The following THBS3 variants were observed in gnomAD, a reference collection of about 807,000 sequenced individuals.
THBS3 encodes thrombospondin 3.
THBS3 carries 78 observed loss-of-function variants against 118.3 expected under a neutral mutation model. That is an observed-to-expected ratio of 0.66 (90% confidence interval 0.55 to 0.80). The LOEUF (loss-of-function observed/expected upper bound fraction) is 0.80, where lower values mean the gene tolerates loss of function less well. Ranked by LOEUF, THBS3 falls within the 30% of genes least tolerant of loss-of-function variation. The pLI is 0.00. For missense variants in THBS3, 1,057 were observed against 1,247.4 expected (o/e 0.85, Z 2.30); for synonymous variants, 427 against 475.3 (o/e 0.90, Z 1.32).
At chr1:155,207,923 G>A (rs1291984668), upstream of THBS3, 5 of 1,591,836 alleles carry the variant, frequency 3.1e-6, no homozygotes, top group African/African-American at 1.3e-5. Flanking sequence ...AGCTGGGAGG[G>A]GAAAAGGCTA....
At position 155,201,838 on chromosome 1, in the gene THBS3, AT is replaced by A. The variant is rs547387268; in HGVS notation, c.1176+118del. ...CAAACCAAGTCCATGTGAACACCTA[AT>A]CTGTGTAGTGCCCTGGGGAGGAGGA... On this transcript the variant is annotated intron_variant, in intron 10 of 22. Transcript: ENST00000368378. The A allele has an allele frequency of 4.4e-4, 636 of 1,435,478 alleles. 3 individuals carry two copies. In the Middle Eastern group the frequency reaches 7.1e-3, roughly 16 times the overall value. 88.9% of individuals were successfully genotyped at this position (1,435,478 alleles called of 1,614,324 possible).
In THBS3 at chr1:155,197,885, G is replaced by A; in HGVS notation, c.2297C>T (p.Ala766Val). 6.2e-7 allele frequency: 1 copy of A among 1,614,060 alleles called. No homozygotes were observed. Among genetic ancestry groups the A allele is most frequent in the Non-Finnish European group, 8.5e-7 (1 of 1,180,026 alleles). The stretch of plus-strand genomic sequence containing the variant: ...ACTGCATATCCCTTACATACCAACT[G>A]CCAAGCCAGGGTCACTGTTCATGGT... ...VQTMNSDPGL[A>V]VGYTAFNGVD... The change falls in exon 19 of 23, where the codon GCA (alanine) becomes GTA (valine). Residue 766 changes from alanine to valine, a missense_variant. By Grantham distance (64) the Ala-to-Val change is moderately conservative. Transcript: ENST00000368378. The surrounding 1 kb of genome is among the most constrained non-coding windows in gnomAD (Gnocchi z 5.0).
intron 3 of THBS3, 27 bp from the exon 4 acceptor site, chr1:155,204,984 G>A: frequency 6.2e-7 from 1 of 1,613,668 alleles, no homozygotes; most frequent in Non-Finnish European, 8.5e-7. Context: ...AGAGTAAGGT[G>A]GGAAGGTCTA....
At chr1:155,208,758 G>A (rs762192691), upstream of THBS3, 4 of 1,418,286 alleles carry the variant, frequency 2.8e-6, no homozygotes, top group Non-Finnish European at 2.8e-6. Context: ...TTTCCATGGC[G>A]ACAGGCGGCG....
At chr1:155,196,838 C>G in intron 21 of THBS3, 1 of 592,694 alleles carries the variant, frequency 1.7e-6, no homozygotes, top group South Asian at 2.1e-5. Flanking sequence ...AACCCAATGC[C>G]CTCATTTTAC....
chr1:155,208,714 C>G, upstream of THBS3: 4 of 1,327,154 alleles, frequency 3.0e-6, no homozygotes, highest in Non-Finnish European at 3.0e-6. Context: ...CCAGCCCGGC[C>G]TCCGCTCCGG....
At position 155,198,432 on chromosome 1, in the gene THBS3, T is replaced by C; in HGVS notation, c.2051A>G (p.Asn684Ser). The C allele has an allele frequency of 1.2e-6, 2 of 1,614,118 alleles. No homozygotes were observed. Among genetic ancestry groups the C allele is most frequent in the Non-Finnish European group, 1.7e-6 (2 of 1,180,002 alleles). ...ACCATCTGAGTCCTTCTGATTGGGA[T>C]TGGGTACCAGGCGGCAGTTATCGGG... Reference protein sequence around the residue: ...PGPDNCRLVPNPNQKDSDGNG... With the variant: ...PGPDNCRLVPSPNQKDSDGNG... The change falls in exon 17 of 23, where the codon AAT (asparagine) becomes AGT (serine). Residue 684 changes from asparagine to serine, a missense_variant. Physicochemically the swap from Asn to Ser is conservative, Grantham distance 46 (BLOSUM62 1). Around this residue, in one of 3 missense-constraint regions of THBS3, gnomAD observed 544 missense variants for 715.6 expected, o/e 0.76. Transcript: ENST00000368378.
upstream of THBS3, chr1:155,208,851 CCAAGGG>C (rs771102265): frequency 3.8e-6 from 6 of 1,599,054 alleles, no homozygotes; most frequent in Middle Eastern, 6.7e-4. Flanking sequence ...GGGACGAGCC[CCAAGGG>C]GCCCTGGAGC....
chr1:155,195,880 A>G lies in THBS3; in HGVS notation c.2832T>C (p.Phe944=). The change falls in exon 23 of 23, where the codon TTT becomes TTC. Residue 944 remains phenylalanine, a synonymous_variant. Coordinates refer to ENST00000368378, the MANE Select transcript of THBS3 (RefSeq NM_007112.5). ...YRCNDTVPED[F]EPFRRQLLQG... is the part of the protein sequence containing the mutation. The stretch of plus-strand genomic sequence containing the variant: ...GGAGCAGCTGCCTCCGGAATGGCTC[A>G]AAGTCCTCAGGCACTGTGTCTGAAG... 1 of 1,614,090 alleles carries G rather than the reference A, an allele frequency of 6.2e-7. No homozygotes were observed. Among genetic ancestry groups the G allele is most frequent in the South Asian group, 1.1e-5 (1 of 91,078 alleles).
In THBS3 at chr1:155,202,727, A is replaced by C. The variant is rs1373721381; in HGVS notation, c.957+85T>G. The stretch of plus-strand genomic sequence containing the variant: ...TAAACTCCAGATTCCTCTCCTCCGG[A>C]CCAGCATTTATCCCACCCTCTTGGG... On this transcript the variant is annotated intron_variant, in intron 8 of 22. Transcript: ENST00000368378. This position sits in a 1 kb window ranked among gnomAD's most constrained non-coding sequence, Gnocchi z 5.5. The C allele has an allele frequency of 1.3e-6, 2 of 1,519,926 alleles. No individual in the cohort carries two copies. Among genetic ancestry groups the C allele is most frequent in the Non-Finnish European group, 1.8e-6 (2 of 1,130,200 alleles). 94.2% of individuals were successfully genotyped at this position (1,519,926 alleles called of 1,614,324 possible).
chr1:155,196,246 GAAGGGAGGGAGGGA>G (rs1668647971), intron 21 of THBS3, 120 bp from the exon 22 acceptor site: 1 of 1,239,332 alleles, frequency 8.1e-7, no homozygotes, highest in Admixed American at 2.2e-5. Flanking sequence ...GCCTGAGAGA[GAAGGGAGGGAGGGA>G]AAGGGAGGCA....
chr1:155,197,669 G>A lies in THBS3; in HGVS notation c.2303-10C>T. 6.3e-7 allele frequency: 1 copy of A among 1,594,802 alleles called. No homozygotes were observed. Among genetic ancestry groups the A allele is most frequent in the Non-Finnish European group, 8.6e-7 (1 of 1,163,028 alleles). ...TTGAAGGCCGTGTATCCTGGGGTGG[G>A]GGTGGGATAAAGGTCAGGGGCAGCA... is the stretch of plus-strand genomic sequence containing the variant. On this transcript the variant is annotated splice_polypyrimidine_tract_variant and intron_variant, in intron 19 of 22. Coordinates refer to ENST00000368378, the MANE Select transcript of THBS3 (RefSeq NM_007112.5). The surrounding 1 kb of genome is among the most constrained non-coding windows in gnomAD (Gnocchi z 5.0).
In THBS3 at chr1:155,196,371, G is replaced by A. The variant is rs1668676696; in HGVS notation, c.2673-245C>T. On this transcript the variant is annotated intron_variant, in intron 21 of 22. Transcript: ENST00000368378. The stretch of plus-strand genomic sequence containing the variant: ...AAGCACCAGCCGCATTCCAAGCGAG[G>A]ATTGGGTTGCCATGACAATAAGCAC... 11 of 553,110 alleles carry A rather than the reference G, an allele frequency of 2.0e-5. No individual in the cohort carries two copies. The South Asian group carries it at 2.3e-4, about 12-fold the overall frequency. The allele number at this position is 553,110 out of a possible 1,614,324, so 34.3% of individuals were successfully genotyped here.
At position 155,202,036 on chromosome 1, in the gene THBS3, T is replaced by C. The variant is rs879187508; in HGVS notation, c.1099-2A>G. The C allele has an allele frequency of 6.2e-7, 1 of 1,614,134 alleles. No individual in the cohort carries two copies. The highest frequency in any genetic ancestry group is 2.2e-5 in the East Asian group (1 of 44,882). On this transcript the variant is annotated splice_acceptor_variant, in intron 9 of 22. Transcript: ENST00000368378. LOFTEE classifies it high-confidence loss of function. This position sits in a 1 kb window ranked among gnomAD's most constrained non-coding sequence, Gnocchi z 5.5. ...GCATTCATCGATGTCATTGCAGACC[T>C]GAAGGGGCAGACTTTGGGTGGAACC...
chr1:155,202,124 TC>T lies in THBS3; in HGVS notation c.1099-91del. The stretch of plus-strand genomic sequence containing the variant: ...ACTGGTATGGCCTTATCTGTGAACA[TC>T]AACATTAAGCCCAGACCCAAAGCCG... On this transcript the variant is annotated intron_variant, in intron 9 of 22. Transcript: ENST00000368378. This position sits in a 1 kb window ranked among gnomAD's most constrained non-coding sequence, Gnocchi z 5.5. The T allele has an allele frequency of 6.2e-7, 1 of 1,608,140 alleles. No individual in the cohort carries two copies. The highest frequency in any genetic ancestry group is 1.1e-5 in the South Asian group (1 of 90,564).
In THBS3 at chr1:155,200,099, A is replaced by G; in HGVS notation, c.1723T>C (p.Leu575=). Residue 575 remains leucine, a synonymous_variant, in exon 15 of 23, where the codon TTG becomes CTG. Transcript: ENST00000368378. Reference sequence around the variant, plus strand: ...TTGGGGACTTTAGGGCAATTGTCCAATCCATTGGGGATGCCTAGAAGACAT... The same window carrying G: ...TTGGGGACTTTAGGGCAATTGTCCAGTCCATTGGGGATGCCTAGAAGACAT... ...DVDGDGIPNG[L]DNCPKVPNPL... The G allele has an allele frequency of 1.3e-6, 2 of 1,576,298 alleles. No individual in the cohort carries two copies. Among genetic ancestry groups the G allele is most frequent in the Non-Finnish European group, 1.7e-6 (2 of 1,160,470 alleles).
chr1:155,208,864 G>C (rs368634289), upstream of THBS3: 1 of 1,610,506 alleles, frequency 6.2e-7, no homozygotes, highest in East Asian at 2.2e-5. Flanking sequence ...AGGGGCCCTG[G>C]AGCAGTACAG....
At position 155,197,387 on chromosome 1, in the gene THBS3, G is replaced by C; in HGVS notation, c.2499+76C>G. 1 of 1,562,160 alleles carries C rather than the reference G, an allele frequency of 6.4e-7. No individual in the cohort carries two copies. Among genetic ancestry groups the C allele is most frequent in the Non-Finnish European group, 8.7e-7 (1 of 1,148,902 alleles). On this transcript the variant is annotated intron_variant, in intron 20 of 22. Transcript: ENST00000368378. This position sits in a 1 kb window ranked among gnomAD's most constrained non-coding sequence, Gnocchi z 5.0. ...GGGTAAGAGGGTTCCCAGTCAAGCA[G>C]TGGGGGAGGCCCTGGGGCTGCAGAG...
chr1:155,199,358 C>G (rs1201393481), intron 16 of THBS3, among the ~76,000 whole-genome samples: 1 of 150,166 alleles, frequency 6.7e-6, no homozygotes, highest in African/African-American at 2.5e-5. Context: ...TGCAGTGAGC[C>G]GAGATCATGC....
Sources: gnomAD v4.1 joint callset for allele counts (sites outside exome capture counted in the v4.1 genomes callset) on GRCh38, gnomAD v4.1.1 for gene constraint, gnomAD v4.1.1 regional missense constraint, Gnocchi (gnomAD v3.1) non-coding constraint, MANE v1.5 for transcripts, NCBI Gene and HGNC (gene_info 2026-07-23, HGNC 2026-07-21) for gene names.